The following LINGO2 variants were observed in gnomAD, a reference collection of about 807,000 sequenced individuals.
The protein encoded by LINGO2 is leucine-rich repeat and immunoglobulin-like domain-containing nogo receptor-interacting protein 2.
In LINGO2, 14 loss-of-function variants were observed where a neutral mutation model predicts 30.6. The observed-to-expected ratio is 0.46, with a 90% CI of 0.30 to 0.72. The LOEUF (loss-of-function observed/expected upper bound fraction) is 0.72, where lower values mean the gene tolerates loss of function less well. Ranked by LOEUF, LINGO2 falls within the 30% of genes least tolerant of loss-of-function variation. The pLI, the probability that LINGO2 is intolerant of heterozygous loss-of-function variation, is 0.07. For missense variants in LINGO2, 729 were observed against 751.7 expected, an observed-to-expected ratio of 0.97 and a Z score of 0.35; for synonymous variants, 317 against 288.5, an observed-to-expected ratio of 1.10 and a Z score of -1.00.
At chr9:29,056,535 T>C in the LINGO2 span, among the ~76,000 whole-genome samples, 1 of 152,204 alleles carries the variant, frequency 6.6e-6, no homozygotes, top group African/African-American at 2.4e-5. Flanking sequence ...TCTCCCACTC[T>C]GTGGGTTGTC....
chr9:28,668,655 C>T (rs1291779544), intron 1 of LINGO2, among the ~76,000 whole-genome samples: 1 of 151,574 alleles, frequency 6.6e-6, no homozygotes, highest in Non-Finnish European at 1.5e-5. Flanking sequence ...TAAATTCAAG[C>T]AGGAAAAAAA....
chr9:28,841,932 T>C, the LINGO2 span, among the ~76,000 whole-genome samples: 1 of 151,820 alleles, frequency 6.6e-6, no homozygotes, highest in Non-Finnish European at 1.5e-5. Context: ...ATCTGTTGTA[T>C]AAATGAGGTT....
At chr9:28,740,020 A>G in the LINGO2 span, among the ~76,000 whole-genome samples, 1 of 150,388 alleles carries the variant, frequency 6.6e-6, no homozygotes, top group African/African-American at 2.4e-5. Context: ...GTTATTTAGG[A>G]GTGTGTTGTT....
At chr9:28,271,166 A>C (rs1014665049) in intron 4 of LINGO2, among the ~76,000 whole-genome samples, 2 of 151,452 alleles carry the variant, frequency 1.3e-5, no homozygotes, top group Admixed American at 6.6e-5. Flanking sequence ...TAAAAAAAAA[A>C]AACACAAAAA....
intron 2 of LINGO2, among the ~76,000 whole-genome samples, chr9:28,380,785 A>G (rs189704069): frequency 1.3e-4 from 20 of 152,196 alleles, no homozygotes; most frequent in Admixed American, 4.6e-4. Context: ...GGAATATAGA[A>G]CAGCTGCAGT....
At chr9:28,713,683 G>A in the LINGO2 span, among the ~76,000 whole-genome samples, 1 of 151,996 alleles carries the variant, frequency 6.6e-6, no homozygotes, top group Non-Finnish European at 1.5e-5. Context: ...TGTGTGGAGG[G>A]GTGTGGTCAG....
the LINGO2 span, among the ~76,000 whole-genome samples, chr9:29,131,466 A>T: frequency 6.6e-6 from 1 of 152,096 alleles, no homozygotes; most frequent in Non-Finnish European, 1.5e-5. Context: ...ATCCAAATAT[A>T]CTGCCATCCC....
the LINGO2 span, among the ~76,000 whole-genome samples, chr9:29,205,281 C>T: frequency 2.0e-5 from 3 of 152,062 alleles, no homozygotes; most frequent in African/African-American, 4.8e-5. Context: ...CCTCGGTATC[C>T]ACCCACCACG....
At chr9:29,013,935 T>C in the LINGO2 span, among the ~76,000 whole-genome samples, 1 of 152,090 alleles carries the variant, frequency 6.6e-6, no homozygotes, top group Admixed American at 6.6e-5. Context: ...TCCTTTATAA[T>C]CTCCTCAAAA....
chr9:28,948,022 G>T, the LINGO2 span, among the ~76,000 whole-genome samples: 3 of 151,942 alleles, frequency 2.0e-5, no homozygotes, highest in East Asian at 1.9e-4. Flanking sequence ...TGCTGGTTTT[G>T]CCCTAATTAT....
intron 1 of LINGO2, among the ~76,000 whole-genome samples, chr9:28,520,717 A>C (rs1039181676): frequency 2.6e-4 from 40 of 152,322 alleles, no homozygotes; most frequent in Middle Eastern, 3.4e-3. Context: ...ACCAATGCTC[A>C]ATAATTTAAT....
At chr9:29,119,687 G>A in the LINGO2 span, among the ~76,000 whole-genome samples, 1 of 143,518 alleles carries the variant, frequency 7.0e-6, no homozygotes, top group African/African-American at 2.6e-5. Context: ...CCGGGTTCAA[G>A]CAATTCTCCT....
chr9:28,649,163 C>T (rs1827975457), intron 1 of LINGO2, among the ~76,000 whole-genome samples: 2 of 152,058 alleles, frequency 1.3e-5, no homozygotes, highest in South Asian at 4.1e-4. Flanking sequence ...ATACACTTTG[C>T]AGCAAATTTA....
intron 1 of LINGO2, among the ~76,000 whole-genome samples, chr9:28,642,197 AGAAAAAAAGTTTCCCTTT>A (rs781093502): frequency 2.0e-5 from 3 of 152,114 alleles, no homozygotes; most frequent in Non-Finnish European, 2.9e-5. Flanking sequence ...GTGAAAACTG[AGAAAAAAAGTTTCCCTTT>A]TGAAAAAGTG....
chr9:28,424,723 A>T (rs527653570), intron 2 of LINGO2, among the ~76,000 whole-genome samples: 3 of 152,258 alleles, frequency 2.0e-5, no homozygotes, highest in Admixed American at 6.6e-5. Context: ...AGTTATTACA[A>T]CAAGGCTTGA....
In LINGO2 at chr9:28,064,262, G is replaced by A. The variant is rs145674940; in HGVS notation, c.-86-51857C>T. 2.4e-3 allele frequency among the ~76,000 whole-genome samples: 368 copies of A among 152,156 alleles called. 2 individuals are homozygous for A. Among genetic ancestry groups the A allele is most frequent in the African/African-American group, 8.3e-3 (345 of 41,524 alleles). On this transcript the variant is annotated intron_variant, in intron 4 of 5. Coordinates refer to ENST00000379992, the Ensembl canonical transcript of LINGO2. ...ATTTTCCTAGCTTTTAAGTGCCTTC[G>A]GGTTAAAGGCACCGACATTTCCATG...
intron 1 of LINGO2, among the ~76,000 whole-genome samples, chr9:28,649,124 C>A (rs1368142945): frequency 6.6e-6 from 1 of 152,062 alleles, no homozygotes; most frequent in Non-Finnish European, 1.5e-5. Flanking sequence ...CACTTGAATG[C>A]CTATGTTTTC....
rs531059831 is a variant in LINGO2 at position 28,641,768 on chromosome 9, AG to A, written c.-365+28431del. Among the ~76,000 whole-genome samples the A allele has an allele frequency of 3.3e-5, 5 of 152,324 alleles. No individual in the cohort carries two copies. The South Asian group carries it at 1.0e-3, about 32-fold the overall frequency. On this transcript the variant is annotated intron_variant, in intron 1 of 5. Coordinates refer to ENST00000379992, the Ensembl canonical transcript of LINGO2. ...TGGGCAAGACACAGTGATGTGCAAA[AG>A]GAAACTATGCATAAGGAGTCAGTCA...
intron 4 of LINGO2, among the ~76,000 whole-genome samples, chr9:28,014,478 C>G (rs1055234110): frequency 6.6e-6 from 1 of 152,116 alleles, no homozygotes. Context: ...CTTAACCATC[C>G]TACTATTAGC....
Sources: allele counts gnomAD v4.1 joint callset (sites outside exome capture counted in the v4.1 genomes callset), GRCh38; gene constraint gnomAD v4.1.1; transcripts MANE v1.5; gene names NCBI Gene and HGNC (gene_info 2026-07-23, HGNC 2026-07-21).